Variants in TRAT1 observed in about 807,000 individuals in gnomAD.
TRAT1 encodes the protein T-cell receptor-associated transmembrane adapter 1.
In TRAT1, 20 loss-of-function variants were observed where a neutral mutation model predicts 20.0. The ratio of observed to expected loss-of-function variants is 1.00; its 90% CI spans 0.70 to 1.45. TRAT1 has a LOEUF of 1.45. Among genes scored for constraint, TRAT1 ranks in the 40% most tolerant of loss-of-function variants. The pLI is 0.00. For missense variants in TRAT1, 237 were observed against 224.1 expected, an observed-to-expected ratio of 1.06 and a Z score of -0.37; for synonymous variants, 77 against 74.2, an observed-to-expected ratio of 1.04 and a Z score of -0.20.
At chr3:108,846,473 C>T (rs1056975845) in intron 3 of TRAT1, among the ~76,000 whole-genome samples, 2 of 152,192 alleles carry the variant, frequency 1.3e-5, no homozygotes, top group Non-Finnish European at 2.9e-5. Context: ...ACACCTAACT[C>T]ACCATCTGGA....
intron 3 of TRAT1, among the ~76,000 whole-genome samples, chr3:108,846,204 A>AT (rs1262707122): frequency 6.6e-6 from 1 of 152,220 alleles, no homozygotes; most frequent in East Asian, 1.9e-4. Context: ...GGACAATGTC[A>AT]TTAACCTCTA....
chr3:108,850,878 A>G (rs991294517), intron 5 of TRAT1, among the ~76,000 whole-genome samples: 1 of 152,224 alleles, frequency 6.6e-6, no homozygotes, highest in Admixed American at 6.5e-5. Context: ...AATACACATG[A>G]CTTGTACAGG....
rs1946024444 is a variant in TRAT1 at position 108,854,095 on chromosome 3, T to C, written c.*218T>C. The stretch of plus-strand genomic sequence containing the variant: ...TCAAATAACTTAAAAAATGCTTTAC[T>C]ACTAAAATGTAAAAAATTAATGTGC... On this transcript the variant is annotated 3_prime_UTR_variant, in exon 6 of 6. Transcript: ENST00000295756. The C allele has an allele frequency of 2.2e-6, 1 of 453,400 alleles. No homozygotes were observed. Among genetic ancestry groups the C allele is most frequent in the African/African-American group, 1.9e-5 (1 of 51,744 alleles). 28.1% of individuals were successfully genotyped at this position (453,400 alleles called of 1,614,324 possible).
Position 108,853,724 on chromosome 3 carries a change from A to G in TRAT1, c.408A>G (p.Gly136=). Reference sequence around the variant, plus strand: ...ATACTCATTTCTCAGACAAGGATGGAGATGAGCAACTACATGCAATAGATG... The same window carrying G: ...ATACTCATTTCTCAGACAAGGATGGGGATGAGCAACTACATGCAATAGATG... ...KQNTHFSDKD[G]DEQLHAIDAS... The change falls in exon 6 of 6, where the codon GGA becomes GGG. Residue 136 remains glycine, a synonymous_variant. Transcript: ENST00000295756. 6.2e-7 allele frequency: 1 copy of G among 1,614,216 alleles called. No homozygotes were observed. Among genetic ancestry groups the G allele is most frequent in the Non-Finnish European group, 8.5e-7 (1 of 1,180,020 alleles).
intron 1 of TRAT1, 65 bp from the exon 2 acceptor site, chr3:108,830,605 T>G (rs1945783411): frequency 9.5e-7 from 1 of 1,052,982 alleles, no homozygotes; most frequent in Admixed American, 1.7e-5. Flanking sequence ...ACTGTGGCAA[T>G]AGCCAGACCA....
At chr3:108,835,921 ATTTATTTATTTATTTT>A (rs1413340573) in intron 2 of TRAT1, among the ~76,000 whole-genome samples, 57 of 28,338 alleles carry the variant, frequency 2.0e-3, no homozygotes, top group African/African-American at 3.9e-3. Context: ...TTATTTATTT[ATTTATTTATTTATTTT>A]TTGAGAAAGT....
intron 1 of TRAT1, among the ~76,000 whole-genome samples, 182 bp downstream of exon 1, chr3:108,823,116 T>G (rs1180688099): frequency 6.6e-6 from 1 of 152,194 alleles, no homozygotes; most frequent in East Asian, 1.9e-4. Flanking sequence ...CATTTTTCTT[T>G]TGAAAGAAAA....
At chr3:108,837,050 G>T (rs1447701) in intron 2 of TRAT1, among the ~76,000 whole-genome samples, 151,240 of 152,358 alleles carry the variant, frequency 0.99, 75,069 homozygotes, top group East Asian at 1. Context: ...TATTAACTAT[G>T]TTTTCTTTAT....
intron 1 of TRAT1, among the ~76,000 whole-genome samples, chr3:108,823,339 T>C (rs1945709709): frequency 6.6e-6 from 1 of 152,202 alleles, no homozygotes; most frequent in South Asian, 2.1e-4. Context: ...AGCAATGCAA[T>C]TGTCAACATT....
At position 108,853,861 on chromosome 3, in the gene TRAT1, G is replaced by A. The variant is rs1454129516; in HGVS notation, c.545G>A (p.Arg182Lys). 6.2e-7 allele frequency: 1 copy of A among 1,614,014 alleles called. No individual in the cohort carries two copies. Residue 182 changes from arginine to lysine, a missense_variant, in exon 6 of 6, where the codon AGA becomes AAA. Physicochemically the swap from Arg to Lys is conservative, Grantham distance 26. Coordinates refer to ENST00000295756, the MANE Select transcript of TRAT1 (RefSeq NM_016388.4). Reference protein sequence around the residue: ...IRLFGLIRAKREPIN With the variant: ...IRLFGLIRAKKEPIN ...CTGTTTGGATTGATCCGTGCTAAGA[G>A]AGAACCTATAAACTAGCTGGACCAT...
At position 108,830,791 on chromosome 3, in the gene TRAT1, T is replaced by C. The variant is rs1945785646; in HGVS notation, c.118+11T>C. The C allele has an allele frequency of 6.4e-7, 1 of 1,571,650 alleles. No homozygotes were observed. Among genetic ancestry groups the C allele is most frequent in the Middle Eastern group, 1.7e-4 (1 of 5,988 alleles). ...AAAAGCAACGACAAGGTAAGACATT[T>C]TGACAAATTTCACATGGTACCTGCT... On this transcript the variant is annotated intron_variant, in intron 2 of 5. Coordinates refer to ENST00000295756, the MANE Select transcript of TRAT1 (RefSeq NM_016388.4).
chr3:108,853,299 G>A (rs1256514855), intron 5 of TRAT1, among the ~76,000 whole-genome samples: 1 of 152,030 alleles, frequency 6.6e-6, no homozygotes, highest in Non-Finnish European at 1.5e-5. Context: ...GAGCGACACA[G>A]GGCCAGAACT....
chr3:108,845,148 A>G (rs1490967879), intron 3 of TRAT1, among the ~76,000 whole-genome samples: 4 of 152,218 alleles, frequency 2.6e-5, no homozygotes, highest in South Asian at 2.1e-4. Context: ...TTACACATTT[A>G]CAACAGGCTG....
chr3:108,838,821 G>C, intron 2 of TRAT1, 113 bp from the exon 3 acceptor site: 1 of 834,948 alleles, frequency 1.2e-6, no homozygotes, highest in Non-Finnish European at 2.0e-6. Flanking sequence ...GAGAGCCTTG[G>C]TCAAATATAT....
chr3:108,850,305 A>G (rs1945986839), intron 5 of TRAT1, among the ~76,000 whole-genome samples: 1 of 114,316 alleles, frequency 8.7e-6, no homozygotes, highest in South Asian at 3.6e-4. Context: ...AAACTTTTAA[A>G]CTTTTTTTTT....
intron 2 of TRAT1, among the ~76,000 whole-genome samples, chr3:108,832,727 G>T (rs1341549210): frequency 6.6e-6 from 1 of 152,084 alleles, no homozygotes; most frequent in Admixed American, 6.5e-5. Context: ...TGAGGGGCCA[G>T]GTAACAGGTA....
At chr3:108,839,653 A>G (rs1945874742) in intron 3 of TRAT1, among the ~76,000 whole-genome samples, 1 of 151,954 alleles carries the variant, frequency 6.6e-6, no homozygotes, top group South Asian at 2.1e-4. Context: ...TCAAGAAAAA[A>G]AAAAAAAAAA....
intron 2 of TRAT1, among the ~76,000 whole-genome samples, chr3:108,833,573 CAG>C (rs1306389559): frequency 6.6e-6 from 1 of 152,018 alleles, no homozygotes; most frequent in Non-Finnish European, 1.5e-5. Context: ...TTTAAGAAAA[CAG>C]TGAACAATAA....
At chr3:108,824,800 T>G (rs1945721733) in intron 1 of TRAT1, among the ~76,000 whole-genome samples, 3 of 152,198 alleles carry the variant, frequency 2.0e-5, no homozygotes, top group Non-Finnish European at 2.9e-5. Flanking sequence ...GAAATGAACA[T>G]AGCATTACTA....
Sources: allele counts gnomAD v4.1 joint callset (sites outside exome capture counted in the v4.1 genomes callset), GRCh38; gene constraint gnomAD v4.1.1; transcripts MANE v1.5; gene names NCBI Gene and HGNC (gene_info 2026-07-23, HGNC 2026-07-21).